Variants in TENM2 observed in about 807,000 individuals in gnomAD.
TENM2 encodes teneurin transmembrane protein 2.
Under a neutral mutation model 245.2 loss-of-function variants are expected in TENM2, and 52 were observed. The observed-to-expected ratio is 0.21, with a 90% CI of 0.17 to 0.27. The LOEUF (loss-of-function observed/expected upper bound fraction) is 0.27. Ranked by LOEUF, TENM2 falls within the 10% of genes least tolerant of loss-of-function variation. The pLI, the probability that TENM2 is intolerant of heterozygous loss-of-function variation, is 1.00. For synonymous variants in TENM2, 1,363 were observed against 1,438.9 expected (o/e 0.95, Z 1.19); for missense variants, 3,046 against 3,666.8 (o/e 0.83, Z 4.37).
At chr5:167,323,380 C>T (rs766763458) in intron 1 of TENM2, among the ~76,000 whole-genome samples, 2 of 151,964 alleles carry the variant, frequency 1.3e-5, no homozygotes, top group East Asian at 1.9e-4. Flanking sequence ...TTTATAGATA[C>T]AGATATGTGT....
At chr5:168,219,462 A>G (rs1423434560) in intron 23 of TENM2, among the ~76,000 whole-genome samples, 2 of 152,200 alleles carry the variant, frequency 1.3e-5, no homozygotes, top group Non-Finnish European at 2.9e-5. Context: ...AGATCGATAC[A>G]GATAAAGCAT....
At chr5:167,873,216 C>T (rs761687891) in intron 2 of TENM2, among the ~76,000 whole-genome samples, 5 of 152,192 alleles carry the variant, frequency 3.3e-5, no homozygotes, top group Non-Finnish European at 7.3e-5. Flanking sequence ...ACAAGAAAAA[C>T]TTTGAACTCT....
At chr5:167,230,505 G>A in the TENM2 span, among the ~76,000 whole-genome samples, 1 of 152,110 alleles carries the variant, frequency 6.6e-6, no homozygotes, top group Non-Finnish European at 1.5e-5. Context: ...GTGAGTAAGA[G>A]ATGCCTCTAA....
intron 13 of TENM2, among the ~76,000 whole-genome samples, chr5:168,176,801 T>C (rs893533246): frequency 7.9e-5 from 12 of 152,166 alleles, no homozygotes; most frequent in Non-Finnish European, 1.3e-4. Context: ...CAATAGATGA[T>C]TGGGAGATAA....
chr5:167,425,761 C>A (rs11958245), intron 2 of TENM2, among the ~76,000 whole-genome samples: 25,938 of 151,260 alleles, frequency 0.17, 2,560 homozygotes, highest in African/African-American at 0.27. Flanking sequence ...GCTGCTGCTG[C>A]TGATGATGAT....
At chr5:167,223,275 T>C in the TENM2 span, among the ~76,000 whole-genome samples, 1 of 152,094 alleles carries the variant, frequency 6.6e-6, no homozygotes, top group African/African-American at 2.4e-5. Context: ...TTAGAACTTT[T>C]ATTCCTTCTA....
At chr5:167,756,323 CT>C (rs1762309526) in intron 2 of TENM2, among the ~76,000 whole-genome samples, 1 of 152,174 alleles carries the variant, frequency 6.6e-6, no homozygotes, top group Non-Finnish European at 1.5e-5. Context: ...CCCCACCTCT[CT>C]TTTCCACAAC....
At chr5:167,254,750 G>A in the TENM2 span, among the ~76,000 whole-genome samples, 1 of 152,190 alleles carries the variant, frequency 6.6e-6, no homozygotes, top group Middle Eastern at 3.4e-3. Flanking sequence ...AGGAGATCAG[G>A]GAAGGTCTTT....
intron 2 of TENM2, among the ~76,000 whole-genome samples, chr5:167,535,885 A>T (rs1690199017): frequency 6.6e-6 from 1 of 152,242 alleles, no homozygotes; most frequent in African/African-American, 2.4e-5. Flanking sequence ...GCAAGAAATC[A>T]GAGTGGTTCA....
intron 6 of TENM2, among the ~76,000 whole-genome samples, chr5:168,059,649 C>G (rs1286913879): frequency 6.6e-6 from 1 of 151,808 alleles, no homozygotes; most frequent in Non-Finnish European, 1.5e-5. Flanking sequence ...TATTATATCC[C>G]TTCCCCAAGG....
intron 2 of TENM2, among the ~76,000 whole-genome samples, chr5:167,636,955 G>A (rs1228152347): frequency 6.6e-6 from 1 of 152,098 alleles, no homozygotes; most frequent in Non-Finnish European, 1.5e-5. Flanking sequence ...GAAACGGGCT[G>A]GACTCAGAAC....
At chr5:167,607,978 G>C (rs1480709753) in intron 2 of TENM2, among the ~76,000 whole-genome samples, 1 of 151,666 alleles carries the variant, frequency 6.6e-6, no homozygotes, top group Non-Finnish European at 1.5e-5. Context: ...TCTTGTTTTA[G>C]AGCGCTTGGC....
intron 2 of TENM2, among the ~76,000 whole-genome samples, chr5:167,637,403 A>G (rs1000519978): frequency 7.9e-5 from 12 of 152,206 alleles, no homozygotes; most frequent in African/African-American, 2.9e-4. Flanking sequence ...GCATGGATAT[A>G]TGATAATGCA....
intron 3 of TENM2, among the ~76,000 whole-genome samples, chr5:167,926,352 A>G (rs916828640): frequency 1.3e-5 from 2 of 152,160 alleles, no homozygotes; most frequent in Non-Finnish European, 2.9e-5. Flanking sequence ...AATGATTTCT[A>G]TATGTAAACT....
chr5:168,116,323 C>T (rs1406782281), intron 9 of TENM2, among the ~76,000 whole-genome samples: 6 of 152,236 alleles, frequency 3.9e-5, no homozygotes, highest in East Asian at 1.9e-4. Flanking sequence ...CTGAAAATAG[C>T]GCCCCCAGTA....
intron 1 of TENM2, among the ~76,000 whole-genome samples, chr5:167,316,866 A>T (rs1756394365): frequency 6.6e-6 from 1 of 152,208 alleles, no homozygotes; most frequent in African/African-American, 2.4e-5. Flanking sequence ...GACAGTTATA[A>T]CTGTGTAAAG....
chr5:167,875,941 G>C (rs774225334), intron 2 of TENM2, 45 bp from the exon 5 acceptor site: 14 of 1,371,786 alleles, frequency 1.0e-5, no homozygotes, highest in Admixed American at 2.0e-5. Flanking sequence ...GGGTGCTCTC[G>C]TGACACTCAT....
chr5:167,849,818 T>G (rs1209897920), intron 2 of TENM2, among the ~76,000 whole-genome samples: 2 of 152,230 alleles, frequency 1.3e-5, no homozygotes, highest in Admixed American at 6.5e-5. Flanking sequence ...AACAGCCAGA[T>G]AGAAGAGATG....
In TENM2 at chr5:167,489,929, A is replaced by C. The variant is rs76189710; in HGVS notation, c.502+114456A>C. On this transcript the variant is annotated intron_variant, in intron 2 of 28. Coordinates refer to ENST00000518659, the Ensembl canonical transcript of TENM2. ...TAATATTAATATTCCATAATTTATT[A>C]GCTCCCTATTACTGGATATGTACAT... 3.2e-3 allele frequency among the ~76,000 whole-genome samples: 491 copies of C among 152,274 alleles called. 22 individuals are homozygous for C. The South Asian group carries it at 0.083, about 26-fold the overall frequency.
Sources: gnomAD v4.1 joint callset for allele counts (sites outside exome capture counted in the v4.1 genomes callset) on GRCh38, gnomAD v4.1.1 for gene constraint, MANE v1.5 for transcripts, NCBI Gene and HGNC (gene_info 2026-07-23, HGNC 2026-07-21) for gene names.